LACTB: variants seen among roughly 807,000 people sequenced by gnomAD.
LACTB encodes serine beta-lactamase-like protein LACTB, mitochondrial.
Under a neutral mutation model 50.2 loss-of-function variants are expected in LACTB, and 35 were observed. The observed-to-expected ratio is 0.70, with a 90% CI of 0.53 to 0.92. LACTB has a LOEUF of 0.92. LACTB is among the 40% of genes least tolerant of loss of function. LACTB has a pLI of 0.00. For synonymous variants in LACTB, 252 were observed against 268.2 expected, an observed-to-expected ratio of 0.94 and a Z score of 0.59; for missense variants, 664 against 691.8, an observed-to-expected ratio of 0.96 and a Z score of 0.45.
Position 63,141,668 on chromosome 15 carries a change from C to G in LACTB, c.1507C>G (p.Leu503Val). 1.2e-6 allele frequency: 2 copies of G among 1,614,170 alleles called. No individual in the cohort carries two copies. The highest frequency in any genetic ancestry group is 1.3e-5 in the African/African-American group (1 of 75,032). Residue 503 changes from leucine to valine, a missense_variant, in exon 6 of 6, where the codon CTG (leucine) becomes GTG (valine). Transcript: ENST00000261893. ...SSVLLVLPEE[L>V]DTETINNKVP... The stretch of plus-strand genomic sequence containing the variant: ...TGTCCTGCTGGTCCTTCCTGAAGAA[C>G]TGGATACAGAGACTATAAATAACAA...
chr15:63,121,904 G>A lies in LACTB; in HGVS notation c.33G>A (p.Arg11=), dbSNP rs1221787052. Residue 11 remains arginine (R), a synonymous_variant, in exon 1 of 6, where the codon CGG becomes CGA. Coordinates refer to ENST00000261893, the MANE Select transcript of LACTB (RefSeq NM_032857.5). MYRLMSAVTA[R]AAAPGGLASS... ...GGCTCATGTCAGCAGTGACTGCCCG[G>A]GCTGCCGCCCCCGGGGGCTTGGCCT... is the stretch of plus-strand genomic sequence containing the variant. 31 of 1,418,358 alleles carry A rather than the reference G, an allele frequency of 2.2e-5. No homozygotes were observed. The East Asian group carries it at 8.8e-4, about 40-fold the overall frequency. The allele number at this position is 1,418,358 out of a possible 1,614,324, so 87.9% of individuals were successfully genotyped here.
chr15:63,139,934 CAAAAAA>C (rs56336727), intron 5 of LACTB, among the ~76,000 whole-genome samples: 54,418 of 141,210 alleles, frequency 0.39, 11,371 homozygotes, highest in Non-Finnish European at 0.51. Flanking sequence ...TCATCTCTAC[CAAAAAA>C]AAAAAAAAAA....
At position 63,141,805 on chromosome 15, in the gene LACTB, A is replaced by T; in HGVS notation, c.1644A>T (p.Ter548CysextTer1). The change falls in exon 6 of 6, where the codon TGA becomes TGT. Residue 548 changes from the stop codon to cysteine, a stop_lost. Coordinates refer to ENST00000261893, the MANE Select transcript of LACTB (RefSeq NM_032857.5). ...ALEFDKDRSD[*>C] ...AATTTGATAAAGACAGATCAGACTG[A>T]TAACCTTAACACCATAGGTGCAAAA... The T allele has an allele frequency of 1.9e-6, 3 of 1,606,704 alleles. No individual in the cohort carries two copies. The highest frequency in any genetic ancestry group is 2.6e-6 in the Non-Finnish European group (3 of 1,174,416).
intron 1 of LACTB, 88 bp from the exon 2 acceptor site, chr15:63,122,548 G>C: frequency 1.8e-5 from 19 of 1,065,418 alleles, no homozygotes; most frequent in Middle Eastern, 2.2e-4. Context: ...CCCAGGCTCA[G>C]GGGGCGGGGC....
At chr15:63,122,576 G>C in intron 1 of LACTB, 60 bp from the exon 2 acceptor site, 2 of 1,353,440 alleles carry the variant, frequency 1.5e-6, no homozygotes, top group Non-Finnish European at 2.1e-6. Context: ...GGTCCCCGAG[G>C]AGAGCGCTGG....
chr15:63,136,132 C>T (rs1201164056), intron 5 of LACTB, among the ~76,000 whole-genome samples: 1 of 151,836 alleles, frequency 6.6e-6, no homozygotes, highest in African/African-American at 2.4e-5. Context: ...GCCTTGAACT[C>T]CCTGGCTCAA....
At position 63,127,478 on chromosome 15, in the gene LACTB, A is replaced by C. The variant is rs1448113270; in HGVS notation, c.741A>C (p.Ala247=). ...KALKMMKENV[A]FEQEKEGKSN... ...TGAAGATGATGAAAGAGAATGTTGC[A>C]TTTGAGCAAGAAAAAGAAGGCAAAA... Residue 247 remains alanine (A), a synonymous_variant, in exon 4 of 6, where the codon GCA becomes GCC. Transcript: ENST00000261893. 6.2e-7 allele frequency: 1 copy of C among 1,613,474 alleles called. No individual in the cohort carries two copies. Among genetic ancestry groups the C allele is most frequent in the African/African-American group, 1.3e-5 (1 of 75,010 alleles).
intron 3 of LACTB, 51 bp downstream of exon 3, chr15:63,127,100 C>A: frequency 1.5e-6 from 2 of 1,293,720 alleles, no homozygotes; most frequent in Admixed American, 2.5e-5. Context: ...ATGGTTTATG[C>A]TGGAATTTAT....
At chr15:63,138,269 C>A (rs2037193773) in intron 5 of LACTB, among the ~76,000 whole-genome samples, 1 of 151,904 alleles carries the variant, frequency 6.6e-6, no homozygotes, top group African/African-American at 2.4e-5. Flanking sequence ...CCACTGCACT[C>A]CAGCCTGGGT....
intron 5 of LACTB, among the ~76,000 whole-genome samples, chr15:63,135,873 C>T (rs1176621709): frequency 1.3e-5 from 2 of 152,116 alleles, no homozygotes; most frequent in East Asian, 3.8e-4. Flanking sequence ...GGGAGAAGGA[C>T]GTTATGTCCA....
In LACTB at chr15:63,127,050, G is replaced by T. The variant is rs1019640287; in HGVS notation, c.615+1G>T. 8 of 1,578,898 alleles carry T rather than the reference G, an allele frequency of 5.1e-6. No individual in the cohort carries two copies. The highest frequency in any genetic ancestry group is 3.5e-5 in the Admixed American group (2 of 56,586). On this transcript the variant is annotated splice_donor_variant, in intron 3 of 5. Transcript: ENST00000261893. LOFTEE classifies it high-confidence loss of function. ...AGAAAAAGAATATGAAGGTGAAAAG[G>T]TACTGAAACTCACAGTTCATTTTAC...
chr15:63,130,515 G>GAAAAAAAAAAAAAAAAAAAA, intron 5 of LACTB: 1 of 90,848 alleles, frequency 1.1e-5, no homozygotes, highest in Non-Finnish European at 2.5e-5. Context: ...GTCAAAAAAG[G>GAAAAAAAAAAAAAAAAAAAA]AAAAAAAAAA....
intron 2 of LACTB, among the ~76,000 whole-genome samples, chr15:63,123,372 T>A (rs963586318): frequency 3.3e-5 from 5 of 152,200 alleles, no homozygotes; most frequent in Non-Finnish European, 7.3e-5. Flanking sequence ...GTTAACAATT[T>A]CTTGAGGCCT....
intron 5 of LACTB, among the ~76,000 whole-genome samples, chr15:63,134,815 T>TGTGTGA (rs2037162169): frequency 6.7e-6 from 1 of 149,146 alleles, no homozygotes; most frequent in Non-Finnish European, 1.5e-5. Context: ...GTGTGTGATG[T>TGTGTGA]GTGTGTGTGT....
rs778310160 is a variant in LACTB, at chr15:63,141,677, G to A, written c.1516G>A (p.Glu506Lys). 2 of 1,614,186 alleles carry A rather than the reference G, an allele frequency of 1.2e-6. No homozygotes were observed. Among genetic ancestry groups the A allele is most frequent in the South Asian group, 2.2e-5 (2 of 91,088 alleles). ...LLVLPEELDT[E>K]TINNKVPPRG... ...GGTCCTTCCTGAAGAACTGGATACA[G>A]AGACTATAAATAACAAGGTTCCCCC... is the stretch of plus-strand genomic sequence containing the variant. The change falls in exon 6 of 6, where the codon GAG (glutamate) becomes AAG (lysine). Residue 506 changes from glutamate to lysine, a missense_variant. By Grantham distance (56) the Glu-to-Lys change is moderately conservative (BLOSUM62 1). Transcript: ENST00000261893.
chr15:63,126,183 C>T (rs1180597817), intron 2 of LACTB, among the ~76,000 whole-genome samples: 1 of 152,144 alleles, frequency 6.6e-6, no homozygotes, highest in Non-Finnish European at 1.5e-5. Flanking sequence ...ACTTTGTCGC[C>T]CTGGCTGGAG....
chr15:63,125,452 G>A (rs2037039481), intron 2 of LACTB, among the ~76,000 whole-genome samples: 3 of 151,956 alleles, frequency 2.0e-5, no homozygotes, highest in African/African-American at 7.2e-5. Flanking sequence ...ACAGGCGTGA[G>A]CCACCGTGCC....
Position 63,122,252 on chromosome 15 carries a change from G to C in LACTB, c.357+24G>C, listed in dbSNP as rs1000610872. ...AGGTGCGGCCACTGGAGCGGGGGGC[G>C]TAGGGGGCCGGGGATCCACCCCTGT... On this transcript the variant is annotated intron_variant, in intron 1 of 5. Coordinates refer to ENST00000261893, the MANE Select transcript of LACTB (RefSeq NM_032857.5). 2.0e-6 allele frequency: 3 copies of C among 1,515,930 alleles called. No homozygotes were observed. The East Asian group carries it at 7.1e-5, about 36-fold the overall frequency. 93.9% of individuals were successfully genotyped at this position (1,515,930 alleles called of 1,614,324 possible).
Position 63,122,673 on chromosome 15 carries a change from C to G in LACTB, c.395C>G (p.Ser132Cys). The G allele has an allele frequency of 6.2e-7, 1 of 1,613,950 alleles. No individual in the cohort carries two copies. The highest frequency in any genetic ancestry group is 1.3e-5 in the African/African-American group (1 of 75,050). ...VGAPGIVVGV[S>C]VDGKEVWSEG... is the part of the protein sequence containing the mutation. ...GCACCGGGCATAGTGGTTGGAGTTT[C>G]TGTAGATGGAAAAGAAGTCTGGTCA... The change falls in exon 2 of 6, where the codon TCT (serine) becomes TGT (cysteine). Residue 132 changes from serine to cysteine, a missense_variant. Physicochemically the swap from Ser to Cys is moderately radical, Grantham distance 112. Coordinates refer to ENST00000261893, the MANE Select transcript of LACTB (RefSeq NM_032857.5).
Sources: allele counts gnomAD v4.1 joint callset (sites outside exome capture counted in the v4.1 genomes callset), GRCh38; gene constraint gnomAD v4.1.1; transcripts MANE v1.5; gene names NCBI Gene and HGNC (gene_info 2026-07-23, HGNC 2026-07-21).